MEGF10: variants seen among roughly 807,000 people sequenced by gnomAD.
MEGF10 encodes the protein multiple EGF like domains 10.
MEGF10 carries 86 observed loss-of-function variants against 147.5 expected under a neutral mutation model. The ratio of observed to expected loss-of-function variants is 0.58; its 90% CI spans 0.49 to 0.70. The LOEUF (loss-of-function observed/expected upper bound fraction) is 0.70, where lower values mean the gene tolerates loss of function less well. Ranked by LOEUF, MEGF10 falls within the 30% of genes least tolerant of loss-of-function variation. The pLI is 0.00. For missense variants in MEGF10, 1,329 were observed against 1,487.3 expected (o/e 0.89, Z 1.75); for synonymous variants, 478 against 525.5 (o/e 0.91, Z 1.24).
At chr5:127,436,330 A>G (rs77553879) in intron 16 of MEGF10, among the ~76,000 whole-genome samples, 2,412 of 152,312 alleles carry the variant, frequency 0.016, 65 homozygotes, top group African/African-American at 0.055. Context: ...TTTTGCTGGA[A>G]GATTTTTTTC....
intron 1 of MEGF10, among the ~76,000 whole-genome samples, chr5:127,291,755 T>G (rs189056690): frequency 6.6e-6 from 1 of 152,342 alleles, no homozygotes; most frequent in East Asian, 1.9e-4. Context: ...ACGCCTGGTT[T>G]AAGGAAGTGT....
At chr5:127,411,357 G>A (rs1218719610) in intron 9 of MEGF10, among the ~76,000 whole-genome samples, 1 of 152,188 alleles carries the variant, frequency 6.6e-6, no homozygotes, top group East Asian at 1.9e-4. Flanking sequence ...AATGTAGTGC[G>A]TTATATAGCA....
chr5:127,293,714 A>G (rs1759367273), intron 1 of MEGF10, among the ~76,000 whole-genome samples: 1 of 152,204 alleles, frequency 6.6e-6, no homozygotes. Flanking sequence ...AGCTCTCTGG[A>G]TGGTGAATGT....
intron 13 of MEGF10, among the ~76,000 whole-genome samples, chr5:127,427,598 C>T (rs1056583098): frequency 1.3e-5 from 2 of 151,932 alleles, no homozygotes; most frequent in African/African-American, 2.4e-5. Context: ...CAGAACTAGG[C>T]CTAGAGTGGC....
chr5:127,446,545 A>C (rs1292422566), intron 20 of MEGF10, among the ~76,000 whole-genome samples: 5 of 152,232 alleles, frequency 3.3e-5, no homozygotes, highest in African/African-American at 1.2e-4. Flanking sequence ...ATCTGTGGAT[A>C]CTGTGAACAA....
Position 127,440,703 on chromosome 5 carries a change from G to A in MEGF10, c.2234-36G>A, listed in dbSNP as rs778810317. The A allele has an allele frequency of 3.0e-5, 49 of 1,608,084 alleles. No homozygotes were observed. The African/African-American group carries it at 3.8e-4, about 12-fold the overall frequency. On this transcript the variant is annotated intron_variant, in intron 17 of 24. Coordinates refer to ENST00000503335, the MANE Select transcript of MEGF10 (RefSeq NM_001256545.2). ...AGCCTCCAAGTGTTTCTCTTCAGCAGCCTCTTGACTCCTACTGTCCTCCCT... is the reference window on the plus strand; with the variant it reads ...AGCCTCCAAGTGTTTCTCTTCAGCAACCTCTTGACTCCTACTGTCCTCCCT...
chr5:127,454,762 T>A (rs1329827247), intron 23 of MEGF10, 152 bp downstream of exon 23: 2 of 646,730 alleles, frequency 3.1e-6, no homozygotes, highest in Non-Finnish European at 5.1e-6. Context: ...CAAACATGTG[T>A]GACTGACATC....
chr5:127,268,469 T>C, the MEGF10 span, among the ~76,000 whole-genome samples: 100 of 152,298 alleles, frequency 6.6e-4, no homozygotes, highest in Non-Finnish European at 1.3e-3. Context: ...TTCCTGGATA[T>C]CCTTGTTAAC....
chr5:127,252,598 T>C, the MEGF10 span, among the ~76,000 whole-genome samples: 7 of 151,894 alleles, frequency 4.6e-5, no homozygotes, highest in Non-Finnish European at 1.0e-4. Context: ...TATAAATATG[T>C]GAGGGTGTAG....
At chr5:127,271,262 T>G in the MEGF10 span, among the ~76,000 whole-genome samples, 10 of 152,222 alleles carry the variant, frequency 6.6e-5, no homozygotes, top group Non-Finnish European at 1.2e-4. Context: ...CTGACTGGTG[T>G]GAGATGGTAT....
At chr5:127,259,666 C>G in the MEGF10 span, among the ~76,000 whole-genome samples, 2 of 152,156 alleles carry the variant, frequency 1.3e-5, no homozygotes, top group Non-Finnish European at 2.9e-5. Flanking sequence ...AATTGCTCAG[C>G]TTTTAGGGGT....
the MEGF10 span, among the ~76,000 whole-genome samples, chr5:127,243,971 C>T: frequency 7.3e-5 from 11 of 151,520 alleles, no homozygotes; most frequent in Admixed American, 5.3e-4. Context: ...TGGAGGCAGG[C>T]GGATCACCTG....
chr5:127,261,042 G>A, the MEGF10 span, among the ~76,000 whole-genome samples: 2 of 152,124 alleles, frequency 1.3e-5, no homozygotes, highest in African/African-American at 2.4e-5. Context: ...GAGAAGATGT[G>A]CCTCTGCCTT....
Position 127,388,767 on chromosome 5 carries a change from G to A in MEGF10, c.413-7765G>A, listed in dbSNP as rs201612566. Among the ~76,000 whole-genome samples the A allele has an allele frequency of 1.6e-4, 24 of 151,144 alleles. No homozygotes were observed. In the East Asian group the frequency reaches 4.4e-3, roughly 27 times the overall value. On this transcript the variant is annotated intron_variant, in intron 5 of 24. Transcript: ENST00000503335. ...TCACCGTGTTAGCCAGGATGGTCTC[G>A]ATCTCCTGACCTCGTGATCCACCCG...
In MEGF10 at chr5:127,325,579, T is replaced by A. The variant is rs559556588; in HGVS notation, c.-18-5712T>A. 2.4e-3 allele frequency among the ~76,000 whole-genome samples: 360 copies of A among 152,166 alleles called. 1 individual carries two copies. Among genetic ancestry groups the A allele is most frequent in the South Asian group, 4.8e-3 (23 of 4,822 alleles). Reference sequence around the variant, plus strand: ...TTCCCATAGCAGCTTATTCTGGTCTTAATCATGGTGTGCATCATGCTGATT... The same window carrying A: ...TTCCCATAGCAGCTTATTCTGGTCTAAATCATGGTGTGCATCATGCTGATT... On this transcript the variant is annotated intron_variant, in intron 1 of 24. Coordinates refer to ENST00000503335, the MANE Select transcript of MEGF10 (RefSeq NM_001256545.2).
chr5:127,450,704 A>G (rs545807280), intron 22 of MEGF10, among the ~76,000 whole-genome samples: 2 of 152,238 alleles, frequency 1.3e-5, no homozygotes, highest in African/African-American at 2.4e-5. Flanking sequence ...TTAAATTTTA[A>G]TATAACTGAC....
chr5:127,445,196 A>C, intron 19 of MEGF10: 1 of 459,702 alleles, frequency 2.2e-6, no homozygotes, highest in South Asian at 2.4e-5. Flanking sequence ...TCTCCTGAGT[A>C]GCTGGAACTC....
the MEGF10 span, among the ~76,000 whole-genome samples, chr5:127,265,938 G>C: frequency 6.6e-6 from 1 of 152,162 alleles, no homozygotes; most frequent in Admixed American, 6.5e-5. Context: ...GATCCTGTTT[G>C]TCAATTTTGG....
At chr5:127,375,042 AG>A (rs1174730731) in intron 5 of MEGF10, among the ~76,000 whole-genome samples, 3 of 152,180 alleles carry the variant, frequency 2.0e-5, no homozygotes, top group Non-Finnish European at 2.9e-5. Flanking sequence ...GAGTATTAAG[AG>A]GTATTCCACA....
Sources: allele counts gnomAD v4.1 joint callset (sites outside exome capture counted in the v4.1 genomes callset), GRCh38; gene constraint gnomAD v4.1.1; transcripts MANE v1.5; gene names NCBI Gene and HGNC (gene_info 2026-07-23, HGNC 2026-07-21).